ZBTB46: variants seen among roughly 807,000 people sequenced by gnomAD.
ZBTB46 encodes the protein zinc finger and BTB domain containing 46, also known as zinc finger and BTB domain-containing protein 46.
Under a neutral mutation model 44.1 loss-of-function variants are expected in ZBTB46, and 8 were observed. The ratio of observed to expected loss-of-function variants is 0.18; its 90% CI spans 0.11 to 0.33. The LOEUF (loss-of-function observed/expected upper bound fraction) is 0.33, where lower values mean the gene tolerates loss of function less well. Among genes scored for constraint, ZBTB46 ranks in the 10% least tolerant of loss-of-function variants. The probability of loss-of-function intolerance (pLI) is 1.00; values close to 1 mark genes in which losing one functional copy is unlikely to be tolerated. For missense variants in ZBTB46, 651 were observed against 847.7 expected (o/e 0.77, Z 2.88); for synonymous variants, 409 against 382.3 (o/e 1.07, Z -0.81).
chr20:63,786,577 T>C (rs1253667592), intron 2 of ZBTB46, among the ~76,000 whole-genome samples: 2 of 152,176 alleles, frequency 1.3e-5, no homozygotes, highest in African/African-American at 4.8e-5. Context: ...AGTGGCGCGA[T>C]CTCAGCTCAC....
intron 2 of ZBTB46, among the ~76,000 whole-genome samples, chr20:63,784,918 C>T (rs1362127818): frequency 4.6e-5 from 7 of 152,172 alleles, no homozygotes; most frequent in Non-Finnish European, 8.8e-5. Flanking sequence ...CCACGGTGAC[C>T]ACTTGACATG....
upstream of ZBTB46, among the ~76,000 whole-genome samples, chr20:63,831,891 CAAGGAAGGCCGCCCGGG>C (rs1224622656): frequency 6.6e-6 from 1 of 151,846 alleles, no homozygotes; most frequent in African/African-American, 2.4e-5. Flanking sequence ...AAGGCGCCCC[CAAGGAAGGCCGCCCGGG>C]GTGCGGGGTC....
At chr20:63,820,978 C>T (rs562170270) in intron 1 of ZBTB46, among the ~76,000 whole-genome samples, 6 of 151,816 alleles carry the variant, frequency 4.0e-5, no homozygotes, top group South Asian at 2.1e-4. Context: ...CTGCAACCTC[C>T]GCCTCCCAGG....
intron 2 of ZBTB46, among the ~76,000 whole-genome samples, chr20:63,776,804 A>AG (rs1419666098): frequency 3.3e-5 from 1 of 30,450 alleles, no homozygotes; most frequent in Admixed American, 4.0e-4. Context: ...GCTCTGTCTC[A>AG]AAAAAAAAAA....
At chr20:63,800,020 G>A (rs1022158671) in intron 1 of ZBTB46, among the ~76,000 whole-genome samples, 3 of 152,150 alleles carry the variant, frequency 2.0e-5, no homozygotes, top group African/African-American at 7.2e-5. Context: ...AACAGCCAAG[G>A]TTTGGGAACA....
upstream of ZBTB46, among the ~76,000 whole-genome samples, chr20:63,833,027 G>C (rs960143099): frequency 2.0e-5 from 3 of 151,986 alleles, no homozygotes; most frequent in Non-Finnish European, 4.4e-5. Flanking sequence ...AGGGCCTCCC[G>C]CAGAGCCTGC....
rs2092521713 is a variant in ZBTB46 at position 63,787,024 on chromosome 20, G to A, written c.937+2797C>T. Among the ~76,000 whole-genome samples, 1 of 152,172 alleles carries A rather than the reference G, an allele frequency of 6.6e-6. No homozygotes were observed. The highest frequency in any genetic ancestry group is 1.5e-5 in the Non-Finnish European group (1 of 68,028). The stretch of plus-strand genomic sequence containing the variant: ...ACGCACAGCAACAACAGATGAGAAT[G>A]AATAAAATCTACATTGTGTCAAAGT... On this transcript the variant is annotated intron_variant, in intron 2 of 4. Transcript: ENST00000245663. The surrounding 1 kb of genome is among the most constrained non-coding windows in gnomAD (Gnocchi z 4.6).
chr20:63,779,138 A>G (rs1174060013), intron 2 of ZBTB46, among the ~76,000 whole-genome samples: 1 of 152,182 alleles, frequency 6.6e-6, no homozygotes, highest in Admixed American at 6.5e-5. Context: ...ACGCAGCCAC[A>G]CGGGGGCTGG....
chr20:63,793,661 T>TCACAGAAGCAGAGGC (rs1188769657), intron 1 of ZBTB46, among the ~76,000 whole-genome samples: 11 of 152,002 alleles, frequency 7.2e-5, no homozygotes, highest in African/African-American at 2.2e-4. Context: ...GCCAGAGATT[T>TCACAGAAGCAGAGGC]TATAGAAGCA....
intron 1 of ZBTB46, among the ~76,000 whole-genome samples, chr20:63,805,364 G>A (rs185351591): frequency 2.6e-5 from 4 of 152,326 alleles, no homozygotes; most frequent in Non-Finnish European, 4.4e-5. Context: ...GAGAGGCTGA[G>A]GCGGCAGAAT....
In ZBTB46 at chr20:63,752,707, C is replaced by T. The variant is rs2092181200; in HGVS notation, c.1377G>A (p.Glu459=). Residue 459 remains glutamate, a synonymous_variant, in exon 4 of 5, where the codon GAG becomes GAA. Transcript: ENST00000245663. The surrounding 1 kb of genome is among the most constrained non-coding windows in gnomAD (Gnocchi z 5.6). ...EICGKKFTRR[E]HMKRHTLVHS... Reference sequence around the variant, plus strand: ...TCACCAGCGTGTGGCGCTTCATGTGCTCGCGCCGCGTGAACTTCTTCCCGC... The same window carrying T: ...TCACCAGCGTGTGGCGCTTCATGTGTTCGCGCCGCGTGAACTTCTTCCCGC... 1.9e-6 allele frequency: 3 copies of T among 1,598,644 alleles called. No individual in the cohort carries two copies. Among genetic ancestry groups the T allele is most frequent in the Admixed American group, 1.7e-5 (1 of 59,322 alleles).
chr20:63,831,808 T>A (rs1018820806), upstream of ZBTB46, among the ~76,000 whole-genome samples: 1 of 150,800 alleles, frequency 6.6e-6, no homozygotes, highest in Non-Finnish European at 1.5e-5. Context: ...GCGGTTGCAC[T>A]GCGCGCGTCT....
intron 1 of ZBTB46, among the ~76,000 whole-genome samples, chr20:63,812,713 G>C (rs1305441201): frequency 1.3e-5 from 2 of 151,830 alleles, no homozygotes; most frequent in Admixed American, 1.3e-4. Context: ...CGGGAGGTGG[G>C]GGTTGCCATG....
rs537296039 is a variant in ZBTB46 at position 63,820,854 on chromosome 20, G to A, written c.-34+10243C>T. Among the ~76,000 whole-genome samples, 18 of 150,742 alleles carry A rather than the reference G, an allele frequency of 1.2e-4. No individual in the cohort carries two copies. In the South Asian group the frequency reaches 3.4e-3, roughly 28 times the overall value. ...AGCGATTCTCCTGCCTCATCCTCCC[G>A]AAGATCTGGGACTACAGGTGTCTGC... On this transcript the variant is annotated intron_variant, in intron 1 of 4. Coordinates refer to ENST00000245663, the MANE Select transcript of ZBTB46 (RefSeq NM_001369741.1).
intron 2 of ZBTB46, among the ~76,000 whole-genome samples, chr20:63,781,373 G>A (rs868820173): frequency 1.3e-5 from 2 of 152,074 alleles, no homozygotes; most frequent in Non-Finnish European, 2.9e-5. Flanking sequence ...ACACTCACTC[G>A]GCCAGAGCCT....
chr20:63,818,871 CAAAAA>C (rs141702422), intron 1 of ZBTB46, among the ~76,000 whole-genome samples: 1 of 79,952 alleles, frequency 1.3e-5, no homozygotes, highest in Non-Finnish European at 2.5e-5. Flanking sequence ...AACTCCAGCT[CAAAAA>C]AAAAAAAAAA....
chr20:63,828,872 G>A (rs1003326899), intron 1 of ZBTB46, among the ~76,000 whole-genome samples: 1 of 152,212 alleles, frequency 6.6e-6, no homozygotes, highest in African/African-American at 2.4e-5. Context: ...TGAGAGGCCG[G>A]GCTAAGACCT....
At chr20:63,756,617 A>G (rs2092222695) in intron 3 of ZBTB46, among the ~76,000 whole-genome samples, 1 of 152,190 alleles carries the variant, frequency 6.6e-6, no homozygotes, top group Non-Finnish European at 1.5e-5. Context: ...AGCTCAATGA[A>G]CTTTATCTAC....
intron 1 of ZBTB46, among the ~76,000 whole-genome samples, chr20:63,808,976 C>CAAAAAA (rs1157399042): frequency 2.7e-3 from 201 of 73,328 alleles, no homozygotes; most frequent in Non-Finnish European, 3.8e-3. Flanking sequence ...GACTCCGCTT[C>CAAAAAA]AAAAAAAAAA....
Sources: allele counts gnomAD v4.1 joint callset (sites outside exome capture counted in the v4.1 genomes callset), GRCh38; gene constraint gnomAD v4.1.1; non-coding constraint Gnocchi (gnomAD v3.1); transcripts MANE v1.5; gene names NCBI Gene and HGNC (gene_info 2026-07-23, HGNC 2026-07-21).